STK3: variants seen among roughly 807,000 people sequenced by gnomAD.
STK3 encodes serine/threonine kinase 3, also known as serine/threonine-protein kinase 3.
Under a neutral mutation model 58.0 loss-of-function variants are expected in STK3, and 41 were observed. That is an observed-to-expected ratio of 0.71 (90% CI 0.55 to 0.92). STK3 has a LOEUF of 0.92. Among genes scored for constraint, STK3 ranks in the 40% least tolerant of loss-of-function variants. STK3 has a pLI of 0.00. For synonymous variants in STK3, 170 were observed against 191.0 expected (o/e 0.89, Z 0.91); for missense variants, 479 against 602.7 (o/e 0.79, Z 2.15).
intron 9 of STK3, among the ~76,000 whole-genome samples, chr8:98,530,640 G>A (rs773808898): frequency 2.0e-5 from 3 of 152,150 alleles, no homozygotes; most frequent in South Asian, 4.2e-4. Flanking sequence ...AAATAATACC[G>A]CAGTGAAGTT....
chr8:98,810,835 C>G (rs986333996), intron 1 of STK3, among the ~76,000 whole-genome samples: 1 of 152,150 alleles, frequency 6.6e-6, no homozygotes, highest in Non-Finnish European at 1.5e-5. Flanking sequence ...GGTGTTGTCC[C>G]TGGCGATGAG....
At chr8:98,370,342 AGTGTGTGTGT>A (rs35062643), downstream of STK3, among the ~76,000 whole-genome samples, 77 of 138,624 alleles carry the variant, frequency 5.6e-4, no homozygotes, top group East Asian at 7.3e-3. Flanking sequence ...TGACCTCTGC[AGTGTGTGTGT>A]GTGTGTGTGT....
upstream of STK3, among the ~76,000 whole-genome samples, chr8:98,828,663 A>G (rs539936362): frequency 2.6e-5 from 4 of 151,990 alleles, no homozygotes; most frequent in Non-Finnish European, 5.9e-5. Context: ...GAAAGAAAAT[A>G]AATGATCCCT....
rs184960544 is a variant in STK3 at position 98,792,800 on chromosome 8, C to T, written c.27-17981G>A. Among the ~76,000 whole-genome samples the T allele has an allele frequency of 8.8e-3, 1,336 of 152,298 alleles. 10 individuals carry two copies. The highest frequency in any genetic ancestry group is 0.03 in the African/African-American group (1,259 of 41,564). On this transcript the variant is annotated intron_variant, in intron 1 of 10. Transcript: ENST00000419617. ...AAAAGAAGTCATTATAAGAAAAAGA[C>T]ACTTGCACGCAAGTTTATAGCAGCA...
chr8:98,365,201 A>G, the STK3 span, among the ~76,000 whole-genome samples: 4 of 152,222 alleles, frequency 2.6e-5, no homozygotes, highest in Non-Finnish European at 4.4e-5. Flanking sequence ...TTTAGAAATC[A>G]TGTAATTTTT....
Position 98,698,346 on chromosome 8 carries a change from G to A in STK3, c.684+8121C>T, listed in dbSNP as rs545592671. 4.6e-5 allele frequency among the ~76,000 whole-genome samples: 7 copies of A among 151,990 alleles called. No individual in the cohort carries two copies. The South Asian group carries it at 1.5e-3, about 32-fold the overall frequency. ...TGCCAGTCTGTGTCTTTTAATTGGA[G>A]CATTTAGTCCATTTACATTTAAAGT... On this transcript the variant is annotated intron_variant, in intron 6 of 10. Transcript: ENST00000419617.
At chr8:98,518,708 G>A (rs888248066) in intron 10 of STK3, among the ~76,000 whole-genome samples, 5 of 152,068 alleles carry the variant, frequency 3.3e-5, no homozygotes, top group Admixed American at 1.3e-4. Context: ...CTGTGCACAC[G>A]CCACACCATC....
At chr8:98,864,342 A>C (rs562705973) in intron 3 of STK3, among the ~76,000 whole-genome samples, 7 of 152,180 alleles carry the variant, frequency 4.6e-5, no homozygotes, top group Non-Finnish European at 7.3e-5. Context: ...GAGTATAAAA[A>C]GCACACCATG....
At chr8:98,868,276 A>G (rs369181834) in intron 3 of STK3, among the ~76,000 whole-genome samples, 12 of 152,264 alleles carry the variant, frequency 7.9e-5, no homozygotes, top group Non-Finnish European at 1.3e-4. Flanking sequence ...AAGCTATTCA[A>G]TTCTCAAAGA....
At chr8:98,742,260 C>T (rs541034595) in intron 4 of STK3, among the ~76,000 whole-genome samples, 4 of 151,742 alleles carry the variant, frequency 2.6e-5, no homozygotes, top group East Asian at 3.9e-4. Flanking sequence ...ATACCAAAGC[C>T]GGGCAGAAAC....
At chr8:98,705,271 G>C (rs1041161587) in intron 6 of STK3, among the ~76,000 whole-genome samples, 1 of 151,940 alleles carries the variant, frequency 6.6e-6, no homozygotes, top group Non-Finnish European at 1.5e-5. Flanking sequence ...AAATTAGTTG[G>C]GCATGGTGGT....
At chr8:98,352,840 C>T in the STK3 span, among the ~76,000 whole-genome samples, 1 of 152,074 alleles carries the variant, frequency 6.6e-6, no homozygotes, top group Non-Finnish European at 1.5e-5. Flanking sequence ...CTGAAGTCTA[C>T]CTTTGTTGTT....
rs567371589 is a variant in STK3, at chr8:98,548,603, A to T, written c.949-442T>A. Among the ~76,000 whole-genome samples, 187 of 152,266 alleles carry T rather than the reference A, an allele frequency of 1.2e-3. 1 individual carries two copies. Among genetic ancestry groups the T allele is most frequent in the African/African-American group, 4.2e-3 (175 of 41,564 alleles). Reference sequence around the variant, plus strand: ...CTTTTAAATTATGGCAAAATATACAAATACATATATATAAAATTCACCATT... The same window carrying T: ...CTTTTAAATTATGGCAAAATATACATATACATATATATAAAATTCACCATT... On this transcript the variant is annotated intron_variant, in intron 8 of 10. Coordinates refer to ENST00000419617, the MANE Select transcript of STK3 (RefSeq NM_006281.4).
intron 4 of STK3, among the ~76,000 whole-genome samples, chr8:98,738,632 G>C (rs1401516740): frequency 6.6e-6 from 1 of 152,226 alleles, no homozygotes; most frequent in South Asian, 2.1e-4. Context: ...AATAGGAACA[G>C]CTCTGGTCTA....
chr8:98,826,306 C>G (rs188832776), upstream of STK3, among the ~76,000 whole-genome samples: 1 of 152,336 alleles, frequency 6.6e-6, no homozygotes, highest in African/African-American at 2.4e-5. Context: ...ATGTTTTCCC[C>G]CAGCCATTTG....
intron 1 of STK3, among the ~76,000 whole-genome samples, chr8:98,918,415 T>C (rs2132000078): frequency 6.6e-6 from 1 of 152,324 alleles, no homozygotes; most frequent in East Asian, 1.9e-4. Flanking sequence ...CTTTCCTCTC[T>C]GCTGAGATCC....
intron 6 of STK3, among the ~76,000 whole-genome samples, chr8:98,632,290 T>C (rs1819311905): frequency 6.6e-6 from 1 of 152,206 alleles, no homozygotes. Context: ...AATGAGAGAT[T>C]GGCGACCATG....
chr8:98,786,747 A>T (rs904070708), intron 1 of STK3, among the ~76,000 whole-genome samples: 26 of 152,196 alleles, frequency 1.7e-4, no homozygotes, highest in Admixed American at 1.6e-3. Flanking sequence ...AAATTTCCCT[A>T]ATCTTGCTAG....
chr8:98,585,211 G>C (rs1256486870), intron 7 of STK3, among the ~76,000 whole-genome samples: 1 of 151,374 alleles, frequency 6.6e-6, no homozygotes, highest in African/African-American at 2.4e-5. Context: ...TTTTCTTCTA[G>C]GGTTTTTATG....
Sources: gnomAD v4.1 joint callset for allele counts (sites outside exome capture counted in the v4.1 genomes callset) on GRCh38, gnomAD v4.1.1 for gene constraint, MANE v1.5 for transcripts, NCBI Gene and HGNC (gene_info 2026-07-23, HGNC 2026-07-21) for gene names.